Variants in CORIN observed in about 807,000 individuals in gnomAD.
The protein encoded by CORIN is atrial natriuretic peptide-converting enzyme.
In CORIN, 117 loss-of-function variants were observed where a neutral mutation model predicts 125.3. The observed-to-expected ratio is 0.93, with a 90% confidence interval of 0.80 to 1.09. The LOEUF is 1.09. Among genes scored for constraint, CORIN ranks in the 50% least tolerant of loss-of-function variants. The probability of loss-of-function intolerance (pLI) is 0.00; values close to 1 mark genes in which losing one functional copy is unlikely to be tolerated. For missense variants in CORIN, 1,253 were observed against 1,306.7 expected (o/e 0.96, Z 0.63); for synonymous variants, 450 against 466.4 (o/e 0.96, Z 0.45).
At chr4:47,685,255 G>GA (rs1725458558) in intron 6 of CORIN, among the ~76,000 whole-genome samples, 2 of 152,070 alleles carry the variant, frequency 1.3e-5, no homozygotes, top group South Asian at 2.1e-4. Flanking sequence ...CCAAACACTG[G>GA]AAAAAAATCC....
chr4:47,675,864 C>T (rs866857117), intron 9 of CORIN, among the ~76,000 whole-genome samples: 6 of 152,244 alleles, frequency 3.9e-5, no homozygotes, highest in Middle Eastern at 3.4e-3. Context: ...TGTGCTACCA[C>T]GCCCAGCTAA....
At chr4:47,818,701 C>T (rs1487600236) in intron 1 of CORIN, among the ~76,000 whole-genome samples, 3 of 151,898 alleles carry the variant, frequency 2.0e-5, no homozygotes, top group South Asian at 2.1e-4. Context: ...GGCAAAAACT[C>T]GTCTCTAACA....
At chr4:47,677,794 A>T (rs1725093605) in intron 9 of CORIN, 144 bp downstream of exon 9, 2 of 621,150 alleles carry the variant, frequency 3.2e-6, no homozygotes, top group Non-Finnish European at 5.8e-6. Flanking sequence ...TTCCTGGCTG[A>T]CTAGGGCTGT....
chr4:47,646,405 A>G (rs1257064458), intron 13 of CORIN, among the ~76,000 whole-genome samples: 5 of 152,248 alleles, frequency 3.3e-5, no homozygotes, highest in Admixed American at 3.3e-4. Flanking sequence ...AAGAGAAATG[A>G]ATATAATTTG....
chr4:47,661,299 A>G (rs1724238599), intron 12 of CORIN, among the ~76,000 whole-genome samples: 1 of 152,204 alleles, frequency 6.6e-6, no homozygotes, highest in Non-Finnish European at 1.5e-5. Flanking sequence ...ACAATAATTT[A>G]TTGTACATTT....
At chr4:47,798,448 T>C (rs1282527779) in intron 2 of CORIN, among the ~76,000 whole-genome samples, 1 of 152,096 alleles carries the variant, frequency 6.6e-6, no homozygotes, top group Non-Finnish European at 1.5e-5. Flanking sequence ...TACACAGAAA[T>C]AACTACAAAA....
rs529424849 is a variant in CORIN at position 47,624,032 on chromosome 4, C to T, written c.2316-84G>A. The T allele has an allele frequency of 4.6e-5, 51 of 1,118,850 alleles. No individual in the cohort carries two copies. The African/African-American group carries it at 7.2e-4, about 16-fold the overall frequency. 69.3% of individuals were successfully genotyped at this position (1,118,850 alleles called of 1,614,324 possible). A position where few individuals can be genotyped will look rare whatever the true frequency, so the allele number is the denominator to read the frequency against. On this transcript the variant is annotated intron_variant, in intron 17 of 21. Coordinates refer to ENST00000273857, the MANE Select transcript of CORIN (RefSeq NM_006587.4). ...AACACTTTACCAGTGAAATACAAGACAGCTCCAACTGTTACCACCAGAAAT... is the reference window on the plus strand; with the variant it reads ...AACACTTTACCAGTGAAATACAAGATAGCTCCAACTGTTACCACCAGAAAT...
At chr4:47,596,073 A>G (rs1721236850) in intron 21 of CORIN, among the ~76,000 whole-genome samples, 170 bp from the exon 22 acceptor site, 1 of 152,228 alleles carries the variant, frequency 6.6e-6, no homozygotes, top group African/African-American at 2.4e-5. Context: ...CTGTAAAAAC[A>G]GAACTTTCAA....
chr4:47,747,726 A>G (rs569093439), intron 4 of CORIN, among the ~76,000 whole-genome samples: 1 of 152,288 alleles, frequency 6.6e-6, no homozygotes, highest in East Asian at 1.9e-4. Flanking sequence ...CAACTTTCAC[A>G]TGGCCACTCC....
At chr4:47,608,787 G>A (rs531438637) in intron 19 of CORIN, among the ~76,000 whole-genome samples, 39 of 152,166 alleles carry the variant, frequency 2.6e-4, no homozygotes, top group African/African-American at 8.4e-4. Flanking sequence ...AGCATCCAGA[G>A]GAATTTATAC....
At position 47,769,981 on chromosome 4, in the gene CORIN, G is replaced by C. The variant is rs192573417; in HGVS notation, c.410-6395C>G. On this transcript the variant is annotated intron_variant, in intron 3 of 21. Coordinates refer to ENST00000273857, the MANE Select transcript of CORIN (RefSeq NM_006587.4). The stretch of plus-strand genomic sequence containing the variant: ...ATAATTTTTTGAATATGATCCCAAA[G>C]GCAAGGGCAACAAAAGTATAAATAC... 6.5e-3 allele frequency among the ~76,000 whole-genome samples: 995 copies of C among 152,038 alleles called. 9 individuals are homozygous for C. Among genetic ancestry groups the C allele is most frequent in the African/African-American group, 0.023 (959 of 41,516 alleles).
chr4:47,640,364 TAAGTAA>T (rs771192993), intron 16 of CORIN, among the ~76,000 whole-genome samples: 25 of 152,168 alleles, frequency 1.6e-4, no homozygotes, highest in Non-Finnish European at 4.4e-5. Flanking sequence ...GAAAATGTGC[TAAGTAA>T]AAGAAACCAG....
At chr4:47,809,919 G>A (rs1337040919) in intron 1 of CORIN, among the ~76,000 whole-genome samples, 1 of 152,152 alleles carries the variant, frequency 6.6e-6, no homozygotes, top group Non-Finnish European at 1.5e-5. Flanking sequence ...TAAATGCCAG[G>A]TGAAATAAAC....
At position 47,763,444 on chromosome 4, in the gene CORIN, A is replaced by C. The variant is rs1370806066; in HGVS notation, c.552T>G (p.Tyr184Ter). 1.9e-6 allele frequency: 3 copies of C among 1,614,164 alleles called. No homozygotes were observed. The highest frequency in any genetic ancestry group is 2.2e-5 in the South Asian group (2 of 91,086). The change falls in exon 4 of 22, where the codon TAT becomes TAG. Residue 184 changes from tyrosine to a stop codon, truncating the protein, a stop_gained. Transcript: ENST00000273857. LOFTEE classifies it high-confidence loss of function. ...TACAGCCAAACAGCATGATATGTTGATAGCAACTGAGGCGATGGAGATATG... is the reference window on the plus strand; with the variant it reads ...TACAGCCAAACAGCATGATATGTTGCTAGCAACTGAGGCGATGGAGATATG... ...FFTYLHRLSC[Y>*]QHIMLFGCTL...
chr4:47,667,203 T>C (rs1724519517), intron 10 of CORIN, among the ~76,000 whole-genome samples: 1 of 152,212 alleles, frequency 6.6e-6, no homozygotes, highest in Non-Finnish European at 1.5e-5. Context: ...CCTTCCACCA[T>C]GATTGTGAGG....
At chr4:47,737,909 T>C (rs778543151) in intron 5 of CORIN, among the ~76,000 whole-genome samples, 2 of 152,128 alleles carry the variant, frequency 1.3e-5, no homozygotes, top group Non-Finnish European at 2.9e-5. Flanking sequence ...TCTTGTCTGT[T>C]AGCTCCCTGG....
chr4:47,685,989 T>A (rs1479584434), intron 6 of CORIN, among the ~76,000 whole-genome samples: 1 of 149,056 alleles, frequency 6.7e-6, no homozygotes, highest in East Asian at 2.0e-4. Flanking sequence ...GCTGATTGTT[T>A]CTCCTCAAGC....
At chr4:47,644,971 A>G in intron 14 of CORIN, 110 bp downstream of exon 14, 1 of 595,670 alleles carries the variant, frequency 1.7e-6, no homozygotes. Context: ...ATGTGAAAAT[A>G]CTAAAAGATT....
At chr4:47,636,764 T>G (rs1477210304) in intron 16 of CORIN, among the ~76,000 whole-genome samples, 1 of 152,194 alleles carries the variant, frequency 6.6e-6, no homozygotes, top group Non-Finnish European at 1.5e-5. Context: ...GTAAGTCCAT[T>G]AAACCTCTTT....
Sources: allele counts gnomAD v4.1 joint callset (sites outside exome capture counted in the v4.1 genomes callset), GRCh38; gene constraint gnomAD v4.1.1; transcripts MANE v1.5; gene names NCBI Gene and HGNC (gene_info 2026-07-23, HGNC 2026-07-21).